Variants in GPR37 observed in about 807,000 individuals in gnomAD.
The protein encoded by GPR37 is G protein-coupled receptor 37, also known as prosaposin receptor GPR37.
In GPR37, 20 loss-of-function variants were observed where a neutral mutation model predicts 43.6. The observed-to-expected ratio is 0.46, with a 90% CI of 0.32 to 0.67. GPR37 has a LOEUF of 0.67. GPR37 is among the 30% of genes least tolerant of loss of function. The pLI is 0.03. For synonymous variants in GPR37, 315 were observed against 322.6 expected, an observed-to-expected ratio of 0.98 and a Z score of 0.25; for missense variants, 724 against 797.2, an observed-to-expected ratio of 0.91 and a Z score of 1.11.
chr7:124,760,344 A>C (rs1465268268), intron 1 of GPR37, among the ~76,000 whole-genome samples: 2 of 152,176 alleles, frequency 1.3e-5, no homozygotes, highest in Non-Finnish European at 2.9e-5. Flanking sequence ...AGTTTGAACA[A>C]ATGTAATGTA....
intron 1 of GPR37, among the ~76,000 whole-genome samples, chr7:124,750,793 C>T (rs1793721651): frequency 6.6e-6 from 1 of 152,082 alleles, no homozygotes; most frequent in Non-Finnish European, 1.5e-5. Context: ...ATGTTAACTG[C>T]CTAAGAAAGC....
chr7:124,761,992 A>G (rs1793856677), intron 1 of GPR37, among the ~76,000 whole-genome samples: 1 of 152,148 alleles, frequency 6.6e-6, no homozygotes, highest in South Asian at 2.1e-4. Context: ...TGAAAAATAG[A>G]GAAAGCTACT....
In GPR37 at chr7:124,764,763, G is replaced by A. The variant is rs771458806; in HGVS notation, c.214C>T (p.Pro72Ser). The A allele has an allele frequency of 1.2e-6, 2 of 1,612,752 alleles. No individual in the cohort carries two copies. Among genetic ancestry groups the A allele is most frequent in the South Asian group, 2.2e-5 (2 of 91,082 alleles). Reference sequence around the variant, plus strand: ...AACGCTGCCCCCTGCTCCTCCCTGGGTGCTCGGGCTCGCAGAACGTCTCTT... The same window carrying A: ...AACGCTGCCCCCTGCTCCTCCCTGGATGCTCGGGCTCGCAGAACGTCTCTT... ...SARDVLRARAPREEQGAAFLA... is the reference protein window; with the variant it reads ...SARDVLRARASREEQGAAFLA... The change falls in exon 1 of 2, where the codon CCC becomes TCC. Residue 72 changes from proline (P) to serine (S), a missense_variant. By Grantham distance (74) the Pro-to-Ser change is moderately conservative (BLOSUM62 -1). Transcript: ENST00000303921. This position sits in a 1 kb window ranked among gnomAD's most constrained non-coding sequence, Gnocchi z 5.4.
rs775753509 is a variant in GPR37, at chr7:124,746,992, T to C, written c.1375A>G (p.Ile459Val). The change falls in exon 2 of 2, where the codon ATC becomes GTC. Residue 459 changes from isoleucine (I) to valine (V), a missense_variant. By Grantham distance (29) the Ile-to-Val change is conservative (BLOSUM62 3). Coordinates refer to ENST00000303921, the MANE Select transcript of GPR37 (RefSeq NM_005302.5). ...CYFCLPTLFT[I>V]TCSLVTARKI... The stretch of plus-strand genomic sequence containing the variant: ...CTCGCAGTCACTAGAGAGCAGGTGA[T>C]GGTGAAAAGCGTGGGCAAACAAAAG... 6 of 1,613,896 alleles carry C rather than the reference T, an allele frequency of 3.7e-6. No homozygotes were observed. Among genetic ancestry groups the C allele is most frequent in the African/African-American group, 1.3e-5 (1 of 74,910 alleles).
intron 1 of GPR37, among the ~76,000 whole-genome samples, chr7:124,748,455 C>T (rs1366198174): frequency 2.6e-5 from 4 of 151,960 alleles, no homozygotes; most frequent in Non-Finnish European, 5.9e-5. Context: ...CTCAAAAAAT[C>T]CTATAGTTAA....
Position 124,746,867 on chromosome 7 carries a change from T to C in GPR37, c.1500A>G (p.Leu500=). 1 of 1,614,006 alleles carries C rather than the reference T, an allele frequency of 6.2e-7. No homozygotes were observed. The highest frequency in any genetic ancestry group is 8.5e-7 in the Non-Finnish European group (1 of 1,179,938). ...MNCTVVALTI[L]YGFCIIPENI... ...TTTCAGGAATAATGCAAAATCCATA[T>C]AAAATGGTCAGTGCCACTACTGTAC... The change falls in exon 2 of 2, where the codon TTA becomes TTG. Residue 500 remains leucine (L), a synonymous_variant. Coordinates refer to ENST00000303921, the MANE Select transcript of GPR37 (RefSeq NM_005302.5).
chr7:124,754,620 A>C (rs1320758855), intron 1 of GPR37, among the ~76,000 whole-genome samples: 1 of 152,114 alleles, frequency 6.6e-6, no homozygotes. Context: ...TTTCTAACCA[A>C]GTTCTTGTTA....
At chr7:124,752,788 G>A (rs1562958819) in intron 1 of GPR37, among the ~76,000 whole-genome samples, 1 of 152,070 alleles carries the variant, frequency 6.6e-6, no homozygotes, top group Non-Finnish European at 1.5e-5. Flanking sequence ...CCTTGTGATT[G>A]TCAGTTTGAC....
At chr7:124,760,933 A>G (rs1793843713) in intron 1 of GPR37, among the ~76,000 whole-genome samples, 1 of 152,188 alleles carries the variant, frequency 6.6e-6, no homozygotes. Flanking sequence ...AGAGGTGGGC[A>G]GATCACAAGG....
Position 124,765,729 on chromosome 7 carries a change from G to A in GPR37, c.-753C>T, listed in dbSNP as rs1793914723. On this transcript the variant is annotated 5_prime_UTR_variant, in exon 1 of 2. Transcript: ENST00000303921. The stretch of plus-strand genomic sequence containing the variant: ...GCCGCAGAGAAGGAAATCGTGGGGA[G>A]AAGGGGGAGAAGAGGGCGCCGCTCG... The A allele has an allele frequency of 6.6e-6, 1 of 152,430 alleles. No individual in the cohort carries two copies. Among genetic ancestry groups the A allele is most frequent in the Admixed American group, 6.5e-5 (1 of 15,300 alleles). The allele number at this position is 152,430 out of a possible 1,614,324, so 9.4% of individuals were successfully genotyped here. A position where few individuals can be genotyped will look rare whatever the true frequency, so the allele number is the denominator to read the frequency against.
chr7:124,762,980 T>A (rs185850039), intron 1 of GPR37, among the ~76,000 whole-genome samples: 48 of 152,276 alleles, frequency 3.2e-4, no homozygotes, highest in African/African-American at 1.1e-3. Context: ...AGCAAAACAG[T>A]TGGGCCCCTT....
chr7:124,755,856 G>A (rs1047293864), intron 1 of GPR37, among the ~76,000 whole-genome samples: 6 of 152,076 alleles, frequency 3.9e-5, no homozygotes, highest in African/African-American at 9.7e-5. Context: ...TTACCTTGGG[G>A]TTCTGATGAG....
At chr7:124,752,994 GA>G (rs1044943085) in intron 1 of GPR37, among the ~76,000 whole-genome samples, 1 of 149,416 alleles carries the variant, frequency 6.7e-6, no homozygotes. Flanking sequence ...TCCTGTGTAG[GA>G]AAAAAAAATA....
At chr7:124,747,710 G>C (rs1269643543) in intron 1 of GPR37, among the ~76,000 whole-genome samples, 1 of 152,030 alleles carries the variant, frequency 6.6e-6, no homozygotes, top group Non-Finnish European at 1.5e-5. Flanking sequence ...TCTAGATAAG[G>C]AGTCAGGGTA....
Position 124,764,620 on chromosome 7 carries a change from G to A in GPR37, c.357C>T (p.Pro119=), listed in dbSNP as rs1458503945. 6.3e-7 allele frequency: 1 copy of A among 1,591,366 alleles called. No homozygotes were observed. The highest frequency in any genetic ancestry group is 2.3e-5 in the East Asian group (1 of 44,434). The part of the protein sequence containing the change: ...PPGPPTRPPG[P]WRWKGARGQE... ...GACCCCGAGCACCTTTCCACCTCCA[G>A]GGGCCAGGTGGCCTGGTTGGAGGTC... is the stretch of plus-strand genomic sequence containing the variant. Residue 119 remains proline, a synonymous_variant, in exon 1 of 2, where the codon CCC becomes CCT. Transcript: ENST00000303921. The surrounding 1 kb of genome is among the most constrained non-coding windows in gnomAD (Gnocchi z 5.4).
In GPR37 at chr7:124,747,006, G is replaced by C; in HGVS notation, c.1361C>G (p.Pro454Arg). The C allele has an allele frequency of 6.2e-7, 1 of 1,613,904 alleles. No homozygotes were observed. Among genetic ancestry groups the C allele is most frequent in the Non-Finnish European group, 8.5e-7 (1 of 1,179,900 alleles). ...WWYFGCYFCLPTLFTITCSLV... is the reference protein window; with the variant it reads ...WWYFGCYFCLRTLFTITCSLV... ...AGAGCAGGTGATGGTGAAAAGCGTG[G>C]GCAAACAAAAGTAACAGCCAAAATA... The change falls in exon 2 of 2, where the codon CCC becomes CGC. Residue 454 changes from proline (P) to arginine (R), a missense_variant. Physicochemically the swap from Pro to Arg is moderately radical, Grantham distance 103. Coordinates refer to ENST00000303921, the MANE Select transcript of GPR37 (RefSeq NM_005302.5).
intron 1 of GPR37, among the ~76,000 whole-genome samples, chr7:124,762,482 T>C (rs74387764): frequency 3.5e-5 from 5 of 142,140 alleles, no homozygotes; most frequent in African/African-American, 1.3e-4. Flanking sequence ...TTTCTTCTGA[T>C]AAAAAAAAAA....
intron 1 of GPR37, among the ~76,000 whole-genome samples, chr7:124,754,493 G>A (rs757965161): frequency 1.4e-5 from 2 of 145,712 alleles, no homozygotes; most frequent in Admixed American, 7.0e-5. Context: ...TAACACCGAT[G>A]GGAAAAGAAA....
rs1328764395 is a variant in GPR37 at position 124,744,150 on chromosome 7, T to C, written c.*2375A>G. ...TATAAATGAAAAAAGAAATTTAAGT[T>C]CCTGCTGCCTCCATTGTGGTTCAAT... On this transcript the variant is annotated 3_prime_UTR_variant, in exon 2 of 2. Coordinates refer to ENST00000303921, the MANE Select transcript of GPR37 (RefSeq NM_005302.5). 3.3e-5 allele frequency: 5 copies of C among 152,068 alleles called. No homozygotes were observed. The highest frequency in any genetic ancestry group is 7.4e-5 in the Non-Finnish European group (5 of 67,982). 9.4% of individuals were successfully genotyped at this position (152,068 alleles called of 1,614,324 possible). A position where few individuals can be genotyped will look rare whatever the true frequency, so the allele number is the denominator to read the frequency against.
Sources: allele counts gnomAD v4.1 joint callset (sites outside exome capture counted in the v4.1 genomes callset), GRCh38; gene constraint gnomAD v4.1.1; non-coding constraint Gnocchi (gnomAD v3.1); transcripts MANE v1.5; gene names NCBI Gene and HGNC (gene_info 2026-07-23, HGNC 2026-07-21).